EYS: variants seen among roughly 807,000 people sequenced by gnomAD.
EYS encodes the protein protein eyes shut homolog.
In EYS, 250 loss-of-function variants were observed where a neutral mutation model predicts 282.1. The observed-to-expected ratio is 0.89, with a 90% confidence interval of 0.80 to 0.98. The LOEUF (loss-of-function observed/expected upper bound fraction) is 0.98. Among genes scored for constraint, EYS ranks in the 50% least tolerant of loss-of-function variants. The pLI is 0.00. For synonymous variants in EYS, 1,355 were observed against 1,282.9 expected (o/e 1.06, Z -1.20); for missense variants, 4,016 against 3,709.0 (o/e 1.08, Z -2.15).
chr6:65,161,051 A>G (rs1764840004), intron 12 of EYS, among the ~76,000 whole-genome samples: 1 of 151,068 alleles, frequency 6.6e-6, no homozygotes, highest in Non-Finnish European at 1.5e-5. Context: ...CTTAAAATCT[A>G]TGTCTTGACA....
intron 2 of EYS, among the ~76,000 whole-genome samples, chr6:65,505,392 T>C (rs572802560): frequency 5.9e-5 from 9 of 152,058 alleles, no homozygotes; most frequent in South Asian, 2.1e-4. Flanking sequence ...ATTGTTTTTC[T>C]ATTTTTAATC....
chr6:65,702,708 A>T (rs1305904210), intron 1 of EYS, among the ~76,000 whole-genome samples: 2 of 151,548 alleles, frequency 1.3e-5, no homozygotes, highest in Non-Finnish European at 2.9e-5. Context: ...TAAATAAATA[A>T]TAAATAAATA....
chr6:65,026,535 G>A (rs924546647), intron 13 of EYS, among the ~76,000 whole-genome samples: 1 of 152,130 alleles, frequency 6.6e-6, no homozygotes, highest in African/African-American at 2.4e-5. Context: ...ATGGGCCTGC[G>A]TTGCCTTCCT....
intron 30 of EYS, among the ~76,000 whole-genome samples, chr6:64,305,671 G>C (rs1582568876): frequency 1.3e-5 from 2 of 152,194 alleles, no homozygotes; most frequent in South Asian, 4.1e-4. Context: ...GGAGAAACTG[G>C]ATATCCACAT....
rs9444846 is a variant in EYS at position 64,451,256 on chromosome 6, T to C, written c.5645-11904A>G. Reference sequence around the variant, plus strand: ...CTCTATGCAAATAAACTAGAAAATCTAGAAGAAATGGATAAATTCCATGAC... The same window carrying C: ...CTCTATGCAAATAAACTAGAAAATCCAGAAGAAATGGATAAATTCCATGAC... On this transcript the variant is annotated intron_variant, in intron 26 of 42. Coordinates refer to ENST00000503581, the MANE Select transcript of EYS (RefSeq NM_001142800.2). Among the ~76,000 whole-genome samples, 283 of 152,312 alleles carry C rather than the reference T, an allele frequency of 1.9e-3. 1 individual carries two copies. Among genetic ancestry groups the C allele is most frequent in the African/African-American group, 6.6e-3 (275 of 41,548 alleles).
intron 13 of EYS, among the ~76,000 whole-genome samples, chr6:65,035,486 T>A (rs998921254): frequency 1.3e-5 from 2 of 152,112 alleles, no homozygotes; most frequent in Admixed American, 6.6e-5. Flanking sequence ...TTCAGTAAAG[T>A]TTCAGGATAC....
At chr6:65,559,652 C>T (rs1388481610) in intron 2 of EYS, among the ~76,000 whole-genome samples, 1 of 152,086 alleles carries the variant, frequency 6.6e-6, no homozygotes, top group African/African-American at 2.4e-5. Flanking sequence ...TAGTTTACAT[C>T]ATCAAATAAA....
intron 31 of EYS, among the ~76,000 whole-genome samples, chr6:64,156,531 C>T (rs1010293642): frequency 6.6e-6 from 1 of 152,098 alleles, no homozygotes; most frequent in Non-Finnish European, 1.5e-5. Flanking sequence ...GCAGAGGTTG[C>T]AACAGTTTGG....
At chr6:65,387,365 C>T (rs1765840570) in intron 7 of EYS, among the ~76,000 whole-genome samples, 1 of 151,514 alleles carries the variant, frequency 6.6e-6, no homozygotes. Flanking sequence ...TTTATAACTG[C>T]TATTTATTTT....
At chr6:64,430,309 T>C (rs1466327245) in intron 28 of EYS, among the ~76,000 whole-genome samples, 2 of 152,206 alleles carry the variant, frequency 1.3e-5, no homozygotes, top group African/African-American at 2.4e-5. Context: ...TATGATGTGA[T>C]GATGAAACAA....
At chr6:65,455,086 T>C (rs935030186) in intron 5 of EYS, among the ~76,000 whole-genome samples, 2 of 152,288 alleles carry the variant, frequency 1.3e-5, no homozygotes, top group South Asian at 4.1e-4. Flanking sequence ...CATAGGTTGC[T>C]TAGGGTAGTA....
Position 64,081,838 on chromosome 6 carries a change from C to A in EYS, c.6571+18G>T. On this transcript the variant is annotated intron_variant, in intron 32 of 42. Coordinates refer to ENST00000503581, the MANE Select transcript of EYS (RefSeq NM_001142800.2). Reference sequence around the variant, plus strand: ...GAAAGAAACATGACATACAAGAAGTCAAACATTTAATACTCACTGTAAAGA... The same window carrying A: ...GAAAGAAACATGACATACAAGAAGTAAAACATTTAATACTCACTGTAAAGA... The A allele has an allele frequency of 1.4e-6, 2 of 1,459,810 alleles. No individual in the cohort carries two copies. Among genetic ancestry groups the A allele is most frequent in the South Asian group, 2.8e-5 (2 of 72,134 alleles). The allele number at this position is 1,459,810 out of a possible 1,614,324, so 90.4% of individuals were successfully genotyped here. A position where few individuals can be genotyped will look rare whatever the true frequency, so the allele number is the denominator to read the frequency against.
chr6:65,252,994 A>C (rs1192795824), intron 12 of EYS, among the ~76,000 whole-genome samples: 1 of 151,968 alleles, frequency 6.6e-6, no homozygotes. Context: ...ACATCCCTGT[A>C]CCAAGAAAAG....
chr6:65,474,998 C>G (rs558836154), intron 5 of EYS, among the ~76,000 whole-genome samples: 2 of 152,128 alleles, frequency 1.3e-5, no homozygotes, highest in East Asian at 1.9e-4. Flanking sequence ...AAAAAATATG[C>G]TTGTAATATA....
intron 2 of EYS, among the ~76,000 whole-genome samples, chr6:65,503,976 C>G (rs1766558412): frequency 6.6e-6 from 1 of 151,524 alleles, no homozygotes; most frequent in Admixed American, 6.6e-5. Flanking sequence ...ACCAGGGTGC[C>G]AATTTTGGCA....
intron 41 of EYS, among the ~76,000 whole-genome samples, chr6:63,728,495 C>T (rs1242197944): frequency 6.6e-6 from 1 of 151,972 alleles, no homozygotes; most frequent in East Asian, 1.9e-4. Context: ...TACCCCTTGT[C>T]TCAACACATG....
At chr6:64,648,483 T>G (rs190299643) in intron 22 of EYS, among the ~76,000 whole-genome samples, 1 of 152,216 alleles carries the variant, frequency 6.6e-6, no homozygotes, top group African/African-American at 2.4e-5. Context: ...AAATATCATA[T>G]AATTTGGAAA....
At chr6:64,648,547 C>T (rs1768438024) in intron 22 of EYS, among the ~76,000 whole-genome samples, 1 of 152,072 alleles carries the variant, frequency 6.6e-6, no homozygotes, top group African/African-American at 2.4e-5. Flanking sequence ...CTTAAGGGCA[C>T]TTAAAAAACT....
intron 7 of EYS, among the ~76,000 whole-genome samples, chr6:65,402,088 G>A (rs1766529272): frequency 6.6e-6 from 1 of 151,536 alleles, no homozygotes; most frequent in South Asian, 2.1e-4. Context: ...GTGAAACACA[G>A]GAAGAAATAT....
Sources: gnomAD v4.1 joint callset for allele counts (sites outside exome capture counted in the v4.1 genomes callset) on GRCh38, gnomAD v4.1.1 for gene constraint, MANE v1.5 for transcripts, NCBI Gene and HGNC (gene_info 2026-07-23, HGNC 2026-07-21) for gene names.